Variants in PLEC observed in about 807,000 individuals in gnomAD.
PLEC encodes plectin.
A neutral mutation model predicts 392.8 loss-of-function variants in PLEC; 216 were observed. That is an observed-to-expected ratio of 0.55 (90% CI 0.49 to 0.62). The LOEUF (loss-of-function observed/expected upper bound fraction) is 0.62. Among genes scored for constraint, PLEC ranks in the 20% least tolerant of loss-of-function variants. PLEC has a pLI of 0.00. For synonymous variants in PLEC, 3,621 were observed against 2,980.6 expected, an observed-to-expected ratio of 1.21 and a Z score of -7.00; for missense variants, 6,863 against 6,563.4, an observed-to-expected ratio of 1.05 and a Z score of -1.58.
upstream of PLEC, chr8:143,958,609 C>T (rs782450475): frequency 2.3e-5 from 10 of 444,208 alleles, 1 homozygote; most frequent in South Asian, 1.4e-4. This position sits in a 1 kb window ranked among gnomAD's most constrained non-coding sequence, Gnocchi z 4.9. Context: ...AAGCACTGGA[C>T]AACAGCAGCC....
chr8:143,953,693 C>G, upstream of PLEC: 1 of 1,599,832 alleles, frequency 6.3e-7, no homozygotes, highest in Non-Finnish European at 8.5e-7. Context: ...GTGGTCCGCG[C>G]CCCCCGGCTC....
Position 143,925,391 on chromosome 8 carries a change from G to C in PLEC, c.4538C>G (p.Ala1513Gly). 1 of 1,580,472 alleles carries C rather than the reference G, an allele frequency of 6.3e-7. No individual in the cohort carries two copies. The highest frequency in any genetic ancestry group is 1.1e-5 in the South Asian group (1 of 88,854). The change falls in exon 31 of 32, where the codon GCG (alanine) becomes GGG (glycine). Residue 1513 changes from alanine to glycine, a missense_variant. Physicochemically the swap from Ala to Gly is moderately conservative, Grantham distance 60. Coordinates refer to ENST00000345136, the MANE Select transcript of PLEC (RefSeq NM_201384.3). ...VQDESQRKRQ[A>G]EVELASRVKA... ...CACGCGCGAGGCCAGCTCCACCTCC[G>C]CCTGCCGCTTACGCTGGCTCTCGTC...
At position 143,929,958 on chromosome 8, in the gene PLEC, A is replaced by C; in HGVS notation, c.2717T>G (p.Ile906Ser). The C allele has an allele frequency of 6.2e-7, 1 of 1,611,084 alleles. No individual in the cohort carries two copies. The highest frequency in any genetic ancestry group is 8.5e-7 in the Non-Finnish European group (1 of 1,179,544). ...TACCGTGGCCAGGGACCAGGAGCGG[A>C]TGAGCTGCACGTCGCGGCGAAGGCT... ...WQSLRRDVQL[I>S]RSWSLATFRT... Residue 906 changes from isoleucine to serine, a missense_variant, in exon 22 of 32, where the codon ATC (isoleucine) becomes AGC (serine). Transcript: ENST00000345136.
At chr8:143,953,941 G>A (rs2132790853), upstream of PLEC, 4 of 1,393,512 alleles carry the variant, frequency 2.9e-6, no homozygotes, top group East Asian at 1.1e-4. Flanking sequence ...GGGCCGCCCC[G>A]GGCGCATGCT....
chr8:143,938,409 G>A lies in PLEC; in HGVS notation c.175-169C>T, dbSNP rs143467771. On this transcript the variant is annotated intron_variant, in intron 2 of 31. Coordinates refer to ENST00000345136, the MANE Select transcript of PLEC (RefSeq NM_201384.3). ...CCCACGGAGGCACCTACCTCTGCCC[G>A]CCAGTGCTGCAAGGAGAGACCAGGA... is the stretch of plus-strand genomic sequence containing the variant. 72 of 1,536,418 alleles carry A rather than the reference G, an allele frequency of 4.7e-5. No homozygotes were observed. The African/African-American group carries it at 5.5e-4, about 12-fold the overall frequency.
intron 1 of PLEC, among the ~76,000 whole-genome samples, chr8:143,948,918 C>T (rs1241369779): frequency 7.9e-5 from 12 of 152,208 alleles, no homozygotes; most frequent in African/African-American, 2.7e-4. Flanking sequence ...GCCTGGACTA[C>T]ATGCCTGGCC....
chr8:143,953,454 G>A (rs1429997944), upstream of PLEC, among the ~76,000 whole-genome samples: 6 of 149,808 alleles, frequency 4.0e-5, no homozygotes, highest in Non-Finnish European at 7.4e-5. Flanking sequence ...CCGCCCCGCC[G>A]CCGCCGCCGC....
At chr8:143,954,219 A>G (rs1442427300), upstream of PLEC, among the ~76,000 whole-genome samples, 1 of 152,002 alleles carries the variant, frequency 6.6e-6, no homozygotes, top group Non-Finnish European at 1.5e-5. This position sits in a 1 kb window ranked among gnomAD's most constrained non-coding sequence, Gnocchi z 4.6. Context: ...CAGATCTCCC[A>G]GTAACTTCCT....
In PLEC at chr8:143,925,711, C is replaced by T. The variant is rs782584192; in HGVS notation, c.4218G>A (p.Glu1406=). 4.5e-5 allele frequency: 71 copies of T among 1,592,926 alleles called. No homozygotes were observed. Among genetic ancestry groups the T allele is most frequent in the Admixed American group, 3.4e-5 (2 of 59,508 alleles). Residue 1406 remains glutamate (E), a synonymous_variant, in exon 31 of 32, where the codon GAG becomes GAA. Transcript: ENST00000345136. ...TCTGCTGCTGCGCGTCCACCGCCGC[C>T]TCCTCCCGCCGCACCACCTCCTCCT... ...RMQEEVVRRE[E]AAVDAQQQKR...
In PLEC at chr8:143,923,416, C is replaced by G; in HGVS notation, c.6513G>C (p.Lys2171Asn). ...QAADAEMEKH[K>N]KFAEQTLRQK... is the part of the protein sequence containing the mutation. ...GCCGCAGCGTCTGCTCGGCGAATTTCTTATGCTTCTCCATCTCCGCGTCAG... is the reference window on the plus strand; with the variant it reads ...GCCGCAGCGTCTGCTCGGCGAATTTGTTATGCTTCTCCATCTCCGCGTCAG... Residue 2171 changes from lysine to asparagine, a missense_variant, in exon 31 of 32, where the codon AAG (lysine) becomes AAC (asparagine). Physicochemically the swap from Lys to Asn is moderately conservative, Grantham distance 94 (BLOSUM62 0). Transcript: ENST00000345136. 1 of 1,610,752 alleles carries G rather than the reference C, an allele frequency of 6.2e-7. No homozygotes were observed. Among genetic ancestry groups the G allele is most frequent in the Non-Finnish European group, 8.5e-7 (1 of 1,179,820 alleles).
rs1563961078 is a variant in PLEC at position 143,919,565 on chromosome 8, C to A, written c.10256G>T (p.Gly3419Val). 5.6e-6 allele frequency: 9 copies of A among 1,605,348 alleles called. No homozygotes were observed. Among genetic ancestry groups the A allele is most frequent in the African/African-American group, 1.3e-5 (1 of 74,854 alleles). ...CAGCAGCTGCTCGTGAAGCTCGGGGCCCACCACGCCCGCCTTCACGGCCTC... is the reference window on the plus strand; with the variant it reads ...CAGCAGCTGCTCGTGAAGCTCGGGGACCACCACGCCCGCCTTCACGGCCTC... ...VHEAVKAGVV[G>V]PELHEQLLSA... Residue 3419 changes from glycine (G) to valine (V), a missense_variant, in exon 32 of 32, where the codon GGC becomes GTC. By Grantham distance (109) the Gly-to-Val change is moderately radical. Transcript: ENST00000345136.
chr8:143,937,531 G>C, intron 3 of PLEC: 1 of 542,210 alleles, frequency 1.8e-6, no homozygotes, highest in Non-Finnish European at 3.4e-6. Context: ...GGCACTAAAG[G>C]GGGGGTCCTC....
chr8:143,957,910 C>T (rs532904890), upstream of PLEC, among the ~76,000 whole-genome samples: 202 of 151,202 alleles, frequency 1.3e-3, 1 homozygote, highest in Admixed American at 4.4e-3. Context: ...CATGCAGAGG[C>T]GACCTGCGAC....
chr8:143,931,491 G>A, intron 19 of PLEC, 43 bp downstream of exon 19: 2 of 1,557,058 alleles, frequency 1.3e-6, no homozygotes, highest in Non-Finnish European at 1.7e-6. Flanking sequence ...CCAGACTCCA[G>A]GCCAGCCCCT....
upstream of PLEC, chr8:143,953,923 G>C: frequency 7.0e-7 from 1 of 1,424,870 alleles, no homozygotes; most frequent in Non-Finnish European, 9.1e-7. Context: ...TGATCAATGC[G>C]CCGGACAGGG....
At position 143,917,108 on chromosome 8, in the gene PLEC, C is replaced by T; in HGVS notation, c.12713G>A (p.Gly4238Asp). The change falls in exon 32 of 32, where the codon GGC (glycine) becomes GAC (aspartate). Residue 4238 changes from glycine to aspartate, a missense_variant. Gly to Asp is a moderately conservative substitution (Grantham distance 94). Transcript: ENST00000345136. ...SITEFADMLS[G>D]NAGGFRSRSS... The stretch of plus-strand genomic sequence containing the variant: ...ACGGGAGCGGAAACCACCGGCGTTG[C>T]CCGAGAGCATGTCGGCGAACTCGGT... 1 of 1,604,818 alleles carries T rather than the reference C, an allele frequency of 6.2e-7. No homozygotes were observed. Among genetic ancestry groups the T allele is most frequent in the Non-Finnish European group, 8.5e-7 (1 of 1,172,944 alleles).
upstream of PLEC, among the ~76,000 whole-genome samples, chr8:143,942,885 C>T (rs1241488048): frequency 6.6e-6 from 1 of 152,206 alleles, no homozygotes; most frequent in South Asian, 2.1e-4. Context: ...GAGGCAGAAC[C>T]GAGGAGCTGA....
At chr8:143,949,422 A>G (rs1361556850) in intron 1 of PLEC, among the ~76,000 whole-genome samples, 1 of 152,160 alleles carries the variant, frequency 6.6e-6, no homozygotes, top group African/African-American at 2.4e-5. Flanking sequence ...TCCTGCTGGT[A>G]CAGGTGCTTG....
At chr8:143,942,427 C>T, upstream of PLEC, 1 of 1,604,780 alleles carries the variant, frequency 6.2e-7, no homozygotes, top group Non-Finnish European at 8.5e-7. Context: ...GTAGCCCCTG[C>T]GGGCCGGCTC....
Sources: allele counts gnomAD v4.1 joint callset (sites outside exome capture counted in the v4.1 genomes callset), GRCh38; gene constraint gnomAD v4.1.1; non-coding constraint Gnocchi (gnomAD v3.1); transcripts MANE v1.5; gene names NCBI Gene and HGNC (gene_info 2026-07-23, HGNC 2026-07-21).